BAZ2B: variants seen among roughly 807,000 people sequenced by gnomAD.
BAZ2B encodes the protein bromodomain adjacent to zinc finger domain protein 2B.
In BAZ2B, 91 loss-of-function variants were observed where a neutral mutation model predicts 246.0. The observed-to-expected ratio is 0.37, with a 90% CI of 0.31 to 0.44. The LOEUF is 0.44. Among genes scored for constraint, BAZ2B ranks in the 20% least tolerant of loss-of-function variants. The pLI is 1.00. For synonymous variants in BAZ2B, 855 were observed against 860.0 expected, an observed-to-expected ratio of 0.99 and a Z score of 0.10; for missense variants, 2,332 against 2,533.7, an observed-to-expected ratio of 0.92 and a Z score of 1.71.
the BAZ2B span, among the ~76,000 whole-genome samples, chr2:159,636,704 C>T: frequency 6.6e-6 from 1 of 152,152 alleles, no homozygotes; most frequent in East Asian, 1.9e-4. Context: ...TAGGAAGATA[C>T]TAGTTGGGGT....
the BAZ2B span, among the ~76,000 whole-genome samples, chr2:159,677,807 CTT>C: frequency 6.6e-6 from 1 of 152,202 alleles, no homozygotes; most frequent in South Asian, 2.1e-4. Flanking sequence ...TGGATTTGTT[CTT>C]TGTTTTCTCC....
the BAZ2B span, among the ~76,000 whole-genome samples, chr2:159,652,209 CTCTT>C: frequency 2.4e-5 from 3 of 126,152 alleles, no homozygotes; most frequent in African/African-American, 9.2e-5. Context: ...ACTTGTTACT[CTCTT>C]TTTTTTTTTT....
chr2:159,491,952 C>G (rs921378993), intron 2 of BAZ2B, among the ~76,000 whole-genome samples: 5 of 152,096 alleles, frequency 3.3e-5, no homozygotes, highest in Non-Finnish European at 2.9e-5. Context: ...GAACTGTCAT[C>G]TAATTCATTC....
At chr2:159,348,904 GATTT>G in intron 29 of BAZ2B, 71 bp from the exon 30 acceptor site, 1 of 1,537,462 alleles carries the variant, frequency 6.5e-7, no homozygotes, top group Non-Finnish European at 8.8e-7. Flanking sequence ...GAAATAAAAA[GATTT>G]ATTAACTATA....
In BAZ2B at chr2:159,337,595, C is replaced by A; in HGVS notation, c.5632G>T (p.Ala1878Ser). 6.2e-7 allele frequency: 1 copy of A among 1,614,198 alleles called. No individual in the cohort carries two copies. The highest frequency in any genetic ancestry group is 8.5e-7 in the Non-Finnish European group (1 of 1,180,014). ...CTTTCAATGTTCCGCTCCAAATCAG[C>A]CAGCCTGGTTACAGCTATATCTAGG... ...NPLDIAVTRL[A>S]DLERNIERRI... Residue 1878 changes from alanine to serine, a missense_variant, in exon 32 of 37, where the codon GCT becomes TCT. Ala to Ser is a moderately conservative substitution (Grantham distance 99, BLOSUM62 1). This residue lies in a region of BAZ2B where 8 missense variants were observed against 26.8 expected (regional missense o/e 0.30). Transcript: ENST00000392783.
chr2:159,403,668 T>A (rs2065453145), intron 16 of BAZ2B, among the ~76,000 whole-genome samples: 1 of 152,170 alleles, frequency 6.6e-6, no homozygotes, highest in African/African-American at 2.4e-5. Context: ...AAGGATGGAA[T>A]TCAAGTTGAC....
intron 4 of BAZ2B, among the ~76,000 whole-genome samples, chr2:159,448,958 C>T (rs1329819088): frequency 6.6e-6 from 1 of 151,974 alleles, no homozygotes; most frequent in Admixed American, 6.6e-5. Context: ...AATCAGTAGG[C>T]CTTTTTATGT....
chr2:159,460,081 A>G (rs1209916192), intron 3 of BAZ2B: 1 of 152,104 alleles, frequency 6.6e-6, no homozygotes, highest in Non-Finnish European at 1.5e-5. Context: ...CTATGTTCTC[A>G]AATTACAATG....
At chr2:159,624,166 C>T in the BAZ2B span, among the ~76,000 whole-genome samples, 10 of 152,340 alleles carry the variant, frequency 6.6e-5, no homozygotes, top group East Asian at 1.5e-3. Flanking sequence ...CTGGGCAGGG[C>T]ATCTCTGAAA....
In BAZ2B at chr2:159,332,532, G is replaced by C. The variant is rs1380103307; in HGVS notation, c.5943+8C>G. ...AAAATGAAAAGTTTAGTTTTAGATT[G>C]GTCTTACCTTAGCAATGCAAGCTGG... On this transcript the variant is annotated splice_region_variant and intron_variant, in intron 34 of 36. Coordinates refer to ENST00000392783, the MANE Select transcript of BAZ2B (RefSeq NM_013450.4). 6.2e-7 allele frequency: 1 copy of C among 1,606,222 alleles called. No homozygotes were observed.
At chr2:159,646,704 C>A in the BAZ2B span, among the ~76,000 whole-genome samples, 2 of 152,144 alleles carry the variant, frequency 1.3e-5, no homozygotes, top group African/African-American at 4.8e-5. Flanking sequence ...GGGTCCCTGA[C>A]TTCCTGCAAC....
chr2:159,428,259 T>G (rs142516265), intron 12 of BAZ2B, 52 bp downstream of exon 12: 1 of 1,468,104 alleles, frequency 6.8e-7, no homozygotes, highest in African/African-American at 1.4e-5. Context: ...TTTTTGTACA[T>G]GATCATGCTT....
At chr2:159,504,168 T>G (rs2082099984) in intron 2 of BAZ2B, among the ~76,000 whole-genome samples, 1 of 151,942 alleles carries the variant, frequency 6.6e-6, no homozygotes, top group Admixed American at 6.6e-5. Context: ...TTTTTTAATT[T>G]ATTATTATTA....
In BAZ2B at chr2:159,583,839, C is replaced by A. The variant is rs371776337; in HGVS notation, c.-45-27974G>T. ...TAAAGAGTCATGTGGAAGTGTACAT[C>A]TGAGCAATGGTTTGAAGGATGTTAA... On this transcript the variant is annotated intron_variant, in intron 1 of 36. Coordinates refer to ENST00000392783, the MANE Select transcript of BAZ2B (RefSeq NM_013450.4). Among the ~76,000 whole-genome samples the A allele has an allele frequency of 1.3e-4, 20 of 152,190 alleles. No individual in the cohort carries two copies. In the East Asian group the frequency reaches 3.5e-3, roughly 26 times the overall value.
intron 27 of BAZ2B, among the ~76,000 whole-genome samples, chr2:159,372,444 G>A (rs1333898641): frequency 6.6e-6 from 1 of 152,182 alleles, no homozygotes; most frequent in African/African-American, 2.4e-5. Context: ...AATTCGAGAA[G>A]GTTTACTGAG....
intron 30 of BAZ2B, 49 bp from the exon 31 acceptor site, chr2:159,347,695 C>G: frequency 1.4e-6 from 2 of 1,420,204 alleles, no homozygotes; most frequent in South Asian, 2.5e-5. Context: ...TAAGCTTTTC[C>G]CCACAGAGAC....
At chr2:159,552,542 A>G (rs1372533590) in intron 2 of BAZ2B, among the ~76,000 whole-genome samples, 2 of 152,196 alleles carry the variant, frequency 1.3e-5, no homozygotes, top group African/African-American at 4.8e-5. Flanking sequence ...ACTGAGGCAC[A>G]AAGAGGCTGA....
intron 3 of BAZ2B, chr2:159,459,507 G>A (rs961652045): frequency 3.9e-5 from 6 of 152,202 alleles, no homozygotes; most frequent in African/African-American, 1.2e-4. Flanking sequence ...TATACAGCAG[G>A]GATTGCTGTT....
the BAZ2B span, among the ~76,000 whole-genome samples, chr2:159,688,098 T>C: frequency 6.6e-6 from 1 of 152,210 alleles, no homozygotes; most frequent in Admixed American, 6.5e-5. Flanking sequence ...TGAAAGGCAG[T>C]GTGAGATCCT....
Sources: allele counts gnomAD v4.1 joint callset (sites outside exome capture counted in the v4.1 genomes callset), GRCh38; gene constraint gnomAD v4.1.1; regional missense constraint gnomAD v4.1.1; transcripts MANE v1.5; gene names NCBI Gene and HGNC (gene_info 2026-07-23, HGNC 2026-07-21).